Variants in SPAG16 observed in about 807,000 individuals in gnomAD.
SPAG16 encodes the protein sperm-associated antigen 16 protein.
Under a neutral mutation model 80.4 loss-of-function variants are expected in SPAG16, and 86 were observed. The observed-to-expected ratio is 1.07, with a 90% confidence interval of 0.90 to 1.28. The LOEUF is 1.28. Among genes scored for constraint, SPAG16 ranks in the 50% most tolerant of loss-of-function variants. SPAG16 has a pLI of 0.00. For missense variants in SPAG16, 870 were observed against 765.3 expected, an observed-to-expected ratio of 1.14 and a Z score of -1.61; for synonymous variants, 294 against 265.9, an observed-to-expected ratio of 1.11 and a Z score of -1.03.
chr2:213,860,839 T>C (rs1018612079), intron 10 of SPAG16, among the ~76,000 whole-genome samples: 3 of 152,180 alleles, frequency 2.0e-5, no homozygotes, highest in African/African-American at 2.4e-5. Context: ...CAAGGGTGCA[T>C]GTGTCTGCCA....
chr2:213,783,384 A>G lies in SPAG16; in HGVS notation c.1071-79101A>G, dbSNP rs377003891. Among the ~76,000 whole-genome samples, 18 of 151,176 alleles carry G rather than the reference A, an allele frequency of 1.2e-4. No homozygotes were observed. The East Asian group carries it at 3.3e-3, about 28-fold the overall frequency. On this transcript the variant is annotated intron_variant, in intron 10 of 15. Coordinates refer to ENST00000331683, the MANE Select transcript of SPAG16 (RefSeq NM_024532.5). The stretch of plus-strand genomic sequence containing the variant: ...AGTGAAGATTTTGAAGCCTTTTTAT[A>G]TATACCATGAGTTATACAGTCAATA...
At chr2:213,873,466 A>T (rs2076027053) in intron 11 of SPAG16, among the ~76,000 whole-genome samples, 1 of 151,368 alleles carries the variant, frequency 6.6e-6, no homozygotes, top group Admixed American at 6.6e-5. Flanking sequence ...TTATTGTTGA[A>T]TTTTCTATAT....
At chr2:213,467,645 G>A (rs928821909) in intron 9 of SPAG16, among the ~76,000 whole-genome samples, 1 of 152,188 alleles carries the variant, frequency 6.6e-6, no homozygotes, top group African/African-American at 2.4e-5. Flanking sequence ...AACTTTCAGA[G>A]TCACTTGGGG....
intron 15 of SPAG16, among the ~76,000 whole-genome samples, chr2:214,391,576 G>A (rs991181875): frequency 6.6e-6 from 1 of 152,038 alleles, no homozygotes; most frequent in Non-Finnish European, 1.5e-5. Flanking sequence ...AAACACACAA[G>A]GCCAAAGGAA....
At chr2:213,886,890 C>T (rs2076576942) in intron 11 of SPAG16, among the ~76,000 whole-genome samples, 1 of 152,122 alleles carries the variant, frequency 6.6e-6, no homozygotes, top group Admixed American at 6.6e-5. Flanking sequence ...TATATCATAA[C>T]AGTTGGAGAG....
At chr2:213,927,083 C>T (rs1262366695) in intron 11 of SPAG16, among the ~76,000 whole-genome samples, 2 of 152,198 alleles carry the variant, frequency 1.3e-5, no homozygotes, top group Non-Finnish European at 2.9e-5. Context: ...TAAATGGCTG[C>T]CTTCTTGCTG....
intron 9 of SPAG16, among the ~76,000 whole-genome samples, chr2:213,444,671 T>C (rs2071183998): frequency 1.3e-5 from 2 of 152,172 alleles, no homozygotes; most frequent in Admixed American, 1.3e-4. Flanking sequence ...TTCATCAATA[T>C]GTTAGAGTTT....
chr2:213,749,963 T>A (rs1182104086), intron 10 of SPAG16, among the ~76,000 whole-genome samples: 1 of 152,218 alleles, frequency 6.6e-6, no homozygotes, highest in African/African-American at 2.4e-5. Context: ...GTACTTTTAA[T>A]CTTGTTTTCC....
At chr2:213,713,690 GAA>G (rs2066106727) in intron 10 of SPAG16, among the ~76,000 whole-genome samples, 1 of 152,174 alleles carries the variant, frequency 6.6e-6, no homozygotes, top group African/African-American at 2.4e-5. Context: ...GGCAGGGAAA[GAA>G]AGAAGCTGTA....
chr2:214,042,005 TATACAC>T (rs1559726025), intron 13 of SPAG16, among the ~76,000 whole-genome samples: 1 of 123,104 alleles, frequency 8.1e-6, no homozygotes, highest in East Asian at 2.7e-4. Context: ...TATATATATA[TATACAC>T]ACACACACAA....
intron 15 of SPAG16, among the ~76,000 whole-genome samples, chr2:214,313,189 C>T (rs933466903): frequency 1.3e-5 from 2 of 151,940 alleles, no homozygotes; most frequent in Admixed American, 1.3e-4. Context: ...TATTTACCTA[C>T]CTAAGTGTCA....
At chr2:213,487,252 G>A (rs1181549445) in intron 9 of SPAG16, among the ~76,000 whole-genome samples, 1 of 152,072 alleles carries the variant, frequency 6.6e-6, no homozygotes, top group Non-Finnish European at 1.5e-5. Flanking sequence ...GCTGCCTAGT[G>A]AGTTCAATGT....
chr2:214,031,443 T>G (rs1159909943), intron 13 of SPAG16, among the ~76,000 whole-genome samples: 2 of 24,700 alleles, frequency 8.1e-5, no homozygotes, highest in African/African-American at 1.8e-4. Context: ...TGTTGTGGGG[T>G]GGGGGGAGGG....
At chr2:213,456,583 A>T (rs147637854) in intron 9 of SPAG16, among the ~76,000 whole-genome samples, 21 of 151,782 alleles carry the variant, frequency 1.4e-4, no homozygotes, top group African/African-American at 4.8e-4. Flanking sequence ...TTTATTTTTT[A>T]TTTCTTAAAT....
intron 10 of SPAG16, among the ~76,000 whole-genome samples, chr2:213,856,040 CT>C (rs1224812997): frequency 6.6e-6 from 1 of 152,196 alleles, no homozygotes; most frequent in South Asian, 2.1e-4. Context: ...CAAGTTCCTT[CT>C]GCCTATGAGC....
intron 15 of SPAG16, among the ~76,000 whole-genome samples, chr2:214,199,228 T>C (rs2057942115): frequency 6.6e-6 from 1 of 152,222 alleles, no homozygotes; most frequent in Non-Finnish European, 1.5e-5. Context: ...AGAAGTTTTA[T>C]GGTTTCAGGT....
chr2:213,627,391 A>C lies in SPAG16; in HGVS notation c.1070+137301A>C, dbSNP rs373262857. 5.9e-5 allele frequency among the ~76,000 whole-genome samples: 9 copies of C among 152,356 alleles called. No individual in the cohort carries two copies. In the East Asian group the frequency reaches 1.2e-3, roughly 20 times the overall value. ...CTGATTATTATTAAACTACAGTGTA[A>C]CACATACTTTCTTCTTGGCTATCAG... On this transcript the variant is annotated intron_variant, in intron 10 of 15. Coordinates refer to ENST00000331683, the MANE Select transcript of SPAG16 (RefSeq NM_024532.5).
intron 10 of SPAG16, among the ~76,000 whole-genome samples, chr2:213,841,705 G>C (rs892152748): frequency 5.9e-5 from 9 of 152,100 alleles, no homozygotes; most frequent in African/African-American, 1.9e-4. Flanking sequence ...AGTCTTTCTT[G>C]TAGACCAATT....
intron 9 of SPAG16, among the ~76,000 whole-genome samples, chr2:213,377,448 C>T (rs1398578702): frequency 2.0e-5 from 3 of 152,128 alleles, no homozygotes; most frequent in Non-Finnish European, 4.4e-5. Context: ...TGTGTGTTTA[C>T]TCTGGTTGCA....
Sources: gnomAD v4.1 joint callset for allele counts (sites outside exome capture counted in the v4.1 genomes callset) on GRCh38, gnomAD v4.1.1 for gene constraint, MANE v1.5 for transcripts, NCBI Gene and HGNC (gene_info 2026-07-23, HGNC 2026-07-21) for gene names.